The following CFAP97D2 variants were observed in gnomAD, a reference collection of about 807,000 sequenced individuals.
CFAP97D2 encodes uncharacterized protein CFAP97D2.
At chr13:114,195,585 GTGATACA>G (rs2080883285) in intron 1 of CFAP97D2, among the ~76,000 whole-genome samples, 1 of 152,332 alleles carries the variant, frequency 6.6e-6, no homozygotes, top group East Asian at 1.9e-4. Flanking sequence ...ATTGCAAGCA[GTGATACA>G]TACAGGTCTC....
At chr13:114,210,234 C>T (rs367562080) in intron 3 of CFAP97D2, among the ~76,000 whole-genome samples, 2 of 152,140 alleles carry the variant, frequency 1.3e-5, no homozygotes, top group African/African-American at 2.4e-5. Flanking sequence ...AACTTTTGAA[C>T]ACCACTTCAA....
intron 3 of CFAP97D2, among the ~76,000 whole-genome samples, chr13:114,208,337 A>G (rs1017471170): frequency 2.0e-5 from 3 of 152,246 alleles, no homozygotes; most frequent in African/African-American, 7.2e-5. Context: ...CTGCTTTGGA[A>G]GAATGGTGAC....
intron 1 of CFAP97D2, among the ~76,000 whole-genome samples, chr13:114,188,433 A>G (rs2080858260): frequency 6.6e-6 from 1 of 152,180 alleles, no homozygotes; most frequent in Non-Finnish European, 1.5e-5. Flanking sequence ...TGCATATATT[A>G]GAAAAGAAGA....
intron 1 of CFAP97D2, among the ~76,000 whole-genome samples, chr13:114,191,682 C>T (rs958188884): frequency 3.2e-4 from 48 of 152,296 alleles, no homozygotes; most frequent in African/African-American, 1.1e-3. Context: ...GACAAAATGG[C>T]AGTTGCTTAC....
At chr13:114,198,573 CACTT>C (rs1241436785) in intron 2 of CFAP97D2, among the ~76,000 whole-genome samples, 20 of 152,400 alleles carry the variant, frequency 1.3e-4, no homozygotes, top group African/African-American at 3.8e-4. Context: ...GTGTTACTCT[CACTT>C]ACTCCACCCA....
rs2080854062 is a variant in CFAP97D2, at chr13:114,186,664, G to A, written c.90+7244G>A. On this transcript the variant is annotated intron_variant, in intron 1 of 4. Coordinates refer to ENST00000646158, the Ensembl canonical transcript of CFAP97D2. This position sits in a 1 kb window ranked among gnomAD's most constrained non-coding sequence, Gnocchi z 4.3. ...CAGTTCCTGGAGCCTCCAAGCTTCT[G>A]GGCACCACTGCATTCCCCAGTGCCA... is the stretch of plus-strand genomic sequence containing the variant. 6.6e-6 allele frequency among the ~76,000 whole-genome samples: 1 copy of A among 152,234 alleles called. No individual in the cohort carries two copies. The highest frequency in any genetic ancestry group is 1.5e-5 in the Non-Finnish European group (1 of 68,052).
intron 4 of CFAP97D2, among the ~76,000 whole-genome samples, chr13:114,221,373 G>C (rs1431680815): frequency 3.3e-5 from 5 of 152,238 alleles, no homozygotes; most frequent in African/African-American, 1.2e-4. Flanking sequence ...TCAGTTTACT[G>C]ATTCCGGGAA....
At chr13:114,190,719 T>C (rs544956573) in intron 1 of CFAP97D2, among the ~76,000 whole-genome samples, 2 of 152,244 alleles carry the variant, frequency 1.3e-5, no homozygotes, top group Non-Finnish European at 1.5e-5. Flanking sequence ...GATCTATAGA[T>C]TCAATGCAAT....
chr13:114,197,031 G>A (rs1234269663), intron 2 of CFAP97D2, among the ~76,000 whole-genome samples: 2 of 152,188 alleles, frequency 1.3e-5, no homozygotes, highest in African/African-American at 4.8e-5. Flanking sequence ...ACAAGGGGTT[G>A]TGGAGACCGA....
chr13:114,217,682 C>T (rs1013819546), intron 4 of CFAP97D2, among the ~76,000 whole-genome samples: 2 of 152,186 alleles, frequency 1.3e-5, no homozygotes, highest in African/African-American at 4.8e-5. Flanking sequence ...CCACCATGAT[C>T]AAGTAGGCTT....
At chr13:114,183,569 C>T (rs941623914) in intron 1 of CFAP97D2, among the ~76,000 whole-genome samples, 11 of 152,152 alleles carry the variant, frequency 7.2e-5, no homozygotes, top group Non-Finnish European at 1.3e-4. Context: ...GATGAGGTCA[C>T]GCTCTGCTTC....
intron 3 of CFAP97D2, among the ~76,000 whole-genome samples, chr13:114,204,694 G>A (rs1019379728): frequency 1.3e-5 from 2 of 152,168 alleles, no homozygotes; most frequent in African/African-American, 4.8e-5. Flanking sequence ...ACGGATCAAA[G>A]GCCTAAATGT....
chr13:114,188,602 C>G (rs2080858713), intron 1 of CFAP97D2, among the ~76,000 whole-genome samples: 1 of 151,378 alleles, frequency 6.6e-6, no homozygotes, highest in South Asian at 2.1e-4. Context: ...ACGGTGAAAC[C>G]CCGTCTCCAC....
intron 4 of CFAP97D2, among the ~76,000 whole-genome samples, chr13:114,221,267 A>C (rs1275332808): frequency 6.6e-6 from 1 of 152,192 alleles, no homozygotes; most frequent in Non-Finnish European, 1.5e-5. Context: ...AAAAACAAAA[A>C]AAGTGACTCA....
At chr13:114,191,056 C>G (rs1158067114) in intron 1 of CFAP97D2, among the ~76,000 whole-genome samples, 2 of 152,156 alleles carry the variant, frequency 1.3e-5, no homozygotes, top group African/African-American at 4.8e-5. Flanking sequence ...ACAGACCTTA[C>G]AGCCTTCACA....
chr13:114,213,024 T>C (rs1283745910), intron 4 of CFAP97D2, among the ~76,000 whole-genome samples: 1 of 152,244 alleles, frequency 6.6e-6, no homozygotes, highest in East Asian at 1.9e-4. Context: ...GACAAAATTG[T>C]AATTGTAAAG....
At chr13:114,201,720 G>A (rs555156127) in intron 3 of CFAP97D2, among the ~76,000 whole-genome samples, 3 of 152,318 alleles carry the variant, frequency 2.0e-5, no homozygotes, top group South Asian at 2.1e-4. Flanking sequence ...GAAACAGTTC[G>A]TTTTCAGGGG....
chr13:114,196,428 C>T (rs940933889), exon 2 of CFAP97D2: 1 of 399,714 alleles, frequency 2.5e-6, no homozygotes, highest in Middle Eastern at 6.3e-4. Flanking sequence ...TAGACACCCG[C>T]GCCCCGCTGA....
chr13:114,181,919 T>A (rs377550867), intron 1 of CFAP97D2, among the ~76,000 whole-genome samples: 33 of 151,528 alleles, frequency 2.2e-4, no homozygotes, highest in Non-Finnish European at 3.4e-4. Flanking sequence ...CCTGAAGGGG[T>A]GGCCTGCCCC....
Sources: gnomAD v4.1 joint callset for allele counts (sites outside exome capture counted in the v4.1 genomes callset) on GRCh38, gnomAD v4.1.1 for gene constraint, Gnocchi (gnomAD v3.1) non-coding constraint, MANE v1.5 for transcripts, NCBI Gene and HGNC (gene_info 2026-07-23, HGNC 2026-07-21) for gene names.